NPAS2: variants seen among roughly 807,000 people sequenced by gnomAD.
The protein encoded by NPAS2 is neuronal PAS domain protein 2, also known as neuronal PAS domain-containing protein 2.
Under a neutral mutation model 107.5 loss-of-function variants are expected in NPAS2, and 23 were observed. That is an observed-to-expected ratio of 0.21 (90% CI 0.15 to 0.30). NPAS2 has a LOEUF of 0.30. Ranked by LOEUF, NPAS2 falls within the 10% of genes least tolerant of loss-of-function variation. The pLI is 1.00. For missense variants in NPAS2, 756 were observed against 1,043.3 expected, an observed-to-expected ratio of 0.72 and a Z score of 3.79; for synonymous variants, 403 against 417.5, an observed-to-expected ratio of 0.97 and a Z score of 0.42.
At chr2:100,912,743 A>G (rs942149551) in intron 2 of NPAS2, among the ~76,000 whole-genome samples, 5 of 152,234 alleles carry the variant, frequency 3.3e-5, no homozygotes, top group East Asian at 1.9e-4. Flanking sequence ...GGGAAGCTCT[A>G]TCTCCTCTTA....
chr2:100,990,523 A>T (rs1448576974), intron 18 of NPAS2, 77 bp downstream of exon 18: 2 of 1,447,368 alleles, frequency 1.4e-6, no homozygotes, highest in East Asian at 4.6e-5. Context: ...TTTCTGCTTT[A>T]GACGGAGGCA....
At chr2:100,828,651 G>C (rs112580241) in intron 1 of NPAS2, among the ~76,000 whole-genome samples, 9,414 of 152,212 alleles carry the variant, frequency 0.062, 966 homozygotes, top group African/African-American at 0.21. Flanking sequence ...ACTGAAGAGA[G>C]AGTCCTTTCC....
upstream of NPAS2, among the ~76,000 whole-genome samples, chr2:100,819,820 A>G (rs966644774): frequency 2.0e-5 from 3 of 149,182 alleles, no homozygotes; most frequent in African/African-American, 7.4e-5. This position sits in a 1 kb window ranked among gnomAD's most constrained non-coding sequence, Gnocchi z 5.8. Context: ...CCGGCGCCCA[A>G]CCCCGACCCT....
chr2:100,933,021 T>G lies in NPAS2; in HGVS notation c.273+20T>G. On this transcript the variant is annotated intron_variant, in intron 4 of 20. Transcript: ENST00000335681. ...TTGGAGGTGAAATGCACTTTCAAAA[T>G]AGCTTAAACAGTTGCCAGTTAAAAT... 6.4e-7 allele frequency: 1 copy of G among 1,564,658 alleles called. No individual in the cohort carries two copies. The highest frequency in any genetic ancestry group is 1.7e-5 in the Admixed American group (1 of 59,900).
At chr2:100,836,624 T>C (rs1478677235) in intron 1 of NPAS2, among the ~76,000 whole-genome samples, 4 of 152,158 alleles carry the variant, frequency 2.6e-5, no homozygotes, top group African/African-American at 9.7e-5. Flanking sequence ...CGAGTTCCCA[T>C]TGTGCAGGTC....
intron 1 of NPAS2, among the ~76,000 whole-genome samples, chr2:100,884,066 C>T (rs535818328): frequency 4.3e-4 from 66 of 152,296 alleles, no homozygotes; most frequent in African/African-American, 1.4e-3. Flanking sequence ...CCCTCCAAAA[C>T]CGGGGGCAGG....
rs948985565 is a variant in NPAS2 at position 100,834,700 on chromosome 2, C to CT, written c.-23+14295dup. ...TATCATTTTTCTTTTCTTTTCTTTT[C>CT]TTTTTTTTTGAGATGGAGTCTCACT... is the stretch of plus-strand genomic sequence containing the variant. On this transcript the variant is annotated intron_variant, in intron 1 of 20. Transcript: ENST00000335681. Among the ~76,000 whole-genome samples, 20 of 149,544 alleles carry CT rather than the reference C, an allele frequency of 1.3e-4. No homozygotes were observed. In the East Asian group the frequency reaches 1.8e-3, roughly 13 times the overall value.
At chr2:100,943,132 G>A (rs1674680250) in intron 5 of NPAS2, among the ~76,000 whole-genome samples, 1 of 152,194 alleles carries the variant, frequency 6.6e-6, no homozygotes, top group African/African-American at 2.4e-5. Context: ...ACACCAGAAT[G>A]ATGCCATAGT....
At chr2:100,833,284 A>G (rs1573417901) in intron 1 of NPAS2, among the ~76,000 whole-genome samples, 1 of 152,194 alleles carries the variant, frequency 6.6e-6, no homozygotes, top group African/African-American at 2.4e-5. Context: ...TTCGTCTGTG[A>G]AAGGGAGATA....
At chr2:100,922,682 A>G (rs1683308106) in intron 2 of NPAS2, among the ~76,000 whole-genome samples, 1 of 152,214 alleles carries the variant, frequency 6.6e-6, no homozygotes, top group Admixed American at 6.5e-5. Context: ...GCCTGCCGAG[A>G]GGACCTTCTT....
At chr2:100,918,412 T>C (rs1367321177) in intron 2 of NPAS2, among the ~76,000 whole-genome samples, 2 of 152,042 alleles carry the variant, frequency 1.3e-5, no homozygotes, top group Non-Finnish European at 2.9e-5. Context: ...CTGGACCTCA[T>C]CAAAATTAAA....
intron 5 of NPAS2, among the ~76,000 whole-genome samples, chr2:100,947,444 G>A (rs1243933270): frequency 6.6e-6 from 1 of 152,044 alleles, no homozygotes. Context: ...TCAGCTACTT[G>A]GGAGGCTGAG....
rs527818503 is a variant in NPAS2, at chr2:100,965,111, T to G, written c.800+168T>G. 5.9e-5 allele frequency among the ~76,000 whole-genome samples: 9 copies of G among 152,314 alleles called. No individual in the cohort carries two copies. The highest frequency in any genetic ancestry group is 1.9e-4 in the African/African-American group (8 of 41,570). On this transcript the variant is annotated intron_variant, in intron 9 of 20. Coordinates refer to ENST00000335681, the MANE Select transcript of NPAS2 (RefSeq NM_002518.4). The surrounding 1 kb of genome is among the most constrained non-coding windows in gnomAD (Gnocchi z 4.3). ...AAGGGTGGGTGGTTTCCCTCCAACT[T>G]CATCTGCCCCATCGTGAATATGTTC...
chr2:100,990,925 G>T, intron 19 of NPAS2, 53 bp downstream of exon 19: 1 of 1,522,108 alleles, frequency 6.6e-7, no homozygotes, highest in South Asian at 1.1e-5. Context: ...AATGGTTCCA[G>T]GCTGGCCAGA....
upstream of NPAS2, among the ~76,000 whole-genome samples, chr2:100,819,466 C>G (rs1368697063): frequency 6.6e-6 from 1 of 152,170 alleles, no homozygotes; most frequent in Non-Finnish European, 1.5e-5. The surrounding 1 kb of genome is among the most constrained non-coding windows in gnomAD (Gnocchi z 5.8). Context: ...TTCCCCGACC[C>G]CCGCCTCCCA....
chr2:100,894,993 A>T (rs1442696873), intron 1 of NPAS2, among the ~76,000 whole-genome samples: 3 of 152,222 alleles, frequency 2.0e-5, no homozygotes, highest in Non-Finnish European at 4.4e-5. Context: ...TTAAAATGTA[A>T]GATGGAGTCT....
At chr2:100,916,362 A>G (rs1327963544) in intron 2 of NPAS2, among the ~76,000 whole-genome samples, 1 of 152,200 alleles carries the variant, frequency 6.6e-6, no homozygotes, top group Non-Finnish European at 1.5e-5. Context: ...CAAGACATTC[A>G]ACTCAAATAT....
chr2:100,854,011 G>C (rs896360312), intron 1 of NPAS2, among the ~76,000 whole-genome samples: 1 of 151,146 alleles, frequency 6.6e-6, no homozygotes, highest in South Asian at 2.1e-4. Flanking sequence ...TTAGCAGGGC[G>C]TGGTGACATG....
At chr2:100,873,299 TATATATATACAC>T (rs1194027441) in intron 1 of NPAS2, among the ~76,000 whole-genome samples, 566 of 44,928 alleles carry the variant, frequency 0.013, 3 homozygotes, top group Non-Finnish European at 0.023. Flanking sequence ...TATATATATA[TATATATATACAC>T]ACACACACAC....
Sources: gnomAD v4.1 joint callset for allele counts (sites outside exome capture counted in the v4.1 genomes callset) on GRCh38, gnomAD v4.1.1 for gene constraint, Gnocchi (gnomAD v3.1) non-coding constraint, MANE v1.5 for transcripts, NCBI Gene and HGNC (gene_info 2026-07-23, HGNC 2026-07-21) for gene names.